MARCHF8: variants seen among roughly 807,000 people sequenced by gnomAD.
MARCHF8 encodes the protein membrane associated ring-CH-type finger 8.
A neutral mutation model predicts 51.6 loss-of-function variants in MARCHF8; 40 were observed. The observed-to-expected ratio is 0.77, with a 90% confidence interval of 0.60 to 1.01. The LOEUF is 1.01. MARCHF8 is among the 50% of genes least tolerant of loss of function. MARCHF8 has a pLI of 0.00. For missense variants in MARCHF8, 685 were observed against 708.6 expected (o/e 0.97, Z 0.38); for synonymous variants, 263 against 280.3 (o/e 0.94, Z 0.62).
chr10:45,526,409 T>C (rs555037214), intron 2 of MARCHF8, among the ~76,000 whole-genome samples: 1 of 152,302 alleles, frequency 6.6e-6, no homozygotes, highest in South Asian at 2.1e-4. Flanking sequence ...GGAGACCCCC[T>C]TGACCCTCGC....
At chr10:45,504,911 GATC>G (rs2043352469) in intron 2 of MARCHF8, among the ~76,000 whole-genome samples, 1 of 152,138 alleles carries the variant, frequency 6.6e-6, no homozygotes, top group Non-Finnish European at 1.5e-5. Context: ...AGTGGCCAGA[GATC>G]ATTAACAATT....
intron 1 of MARCHF8, among the ~76,000 whole-genome samples, chr10:45,584,408 A>C (rs2044594865): frequency 6.6e-6 from 1 of 152,064 alleles, no homozygotes; most frequent in Admixed American, 6.6e-5. Context: ...TTACTTATGG[A>C]TAAATATGGA....
intron 1 of MARCHF8, among the ~76,000 whole-genome samples, chr10:45,581,491 G>A (rs1274098909): frequency 6.6e-6 from 1 of 152,174 alleles, no homozygotes; most frequent in East Asian, 1.9e-4. Flanking sequence ...CTCAAGAATT[G>A]GGAATGAGGG....
chr10:45,470,510 C>T (rs1451400354), intron 3 of MARCHF8, among the ~76,000 whole-genome samples: 1 of 152,158 alleles, frequency 6.6e-6, no homozygotes, highest in African/African-American at 2.4e-5. Context: ...GTATTTATAA[C>T]CCCAAATAAT....
chr10:45,561,959 C>T (rs2044316552), intron 1 of MARCHF8, among the ~76,000 whole-genome samples: 1 of 125,204 alleles, frequency 8.0e-6, no homozygotes, highest in African/African-American at 2.9e-5. Flanking sequence ...GTACTAAAAA[C>T]AGCCAGTTTC....
intron 1 of MARCHF8, among the ~76,000 whole-genome samples, chr10:45,567,841 G>A (rs2044382242): frequency 6.6e-6 from 1 of 152,154 alleles, no homozygotes; most frequent in South Asian, 2.1e-4. Flanking sequence ...TATTTTGGTA[G>A]GGTTTGCATT....
At chr10:45,497,596 T>C (rs2043196521) in intron 2 of MARCHF8, among the ~76,000 whole-genome samples, 2 of 152,298 alleles carry the variant, frequency 1.3e-5, no homozygotes, top group South Asian at 4.1e-4. Flanking sequence ...AGTTAAACTT[T>C]AGAGTTAAAT....
At chr10:45,530,944 T>C (rs2043871685) in intron 2 of MARCHF8, among the ~76,000 whole-genome samples, 1 of 151,818 alleles carries the variant, frequency 6.6e-6, no homozygotes, top group Admixed American at 6.6e-5. Flanking sequence ...ATGGAAGATA[T>C]AAAAAAGATC....
In MARCHF8 at chr10:45,464,259, T is replaced by C. The variant is rs769832451; in HGVS notation, c.222A>G (p.Pro74=). 1 of 1,614,196 alleles carries C rather than the reference T, an allele frequency of 6.2e-7. No individual in the cohort carries two copies. Among genetic ancestry groups the C allele is most frequent in the Non-Finnish European group, 8.5e-7 (1 of 1,180,034 alleles). The part of the protein sequence containing the change: ...VSSFSRTSIT[P]SSQDICSSSA... ...GTTACCTGCAGATGTCCTGGCTGGA[T>C]GGCGTGATAGAAGTGCGAGAGAAGG... Residue 74 remains proline (P), a synonymous_variant, in exon 4 of 8, where the codon CCA becomes CCG. Coordinates refer to ENST00000453424, the MANE Select transcript of MARCHF8 (RefSeq NM_001282866.2).
intron 2 of MARCHF8, among the ~76,000 whole-genome samples, chr10:45,520,894 T>C (rs2043694966): frequency 6.6e-6 from 1 of 152,242 alleles, no homozygotes; most frequent in Non-Finnish European, 1.5e-5. Flanking sequence ...ATGATACACA[T>C]TTCAACTGAA....
chr10:45,466,769 A>C (rs1257101775), intron 3 of MARCHF8, among the ~76,000 whole-genome samples: 1 of 152,104 alleles, frequency 6.6e-6, no homozygotes, highest in Non-Finnish European at 1.5e-5. Flanking sequence ...CAGGTTTCTG[A>C]TGGGAAATTA....
In MARCHF8 at chr10:45,463,635, T is replaced by C; in HGVS notation, c.604A>G (p.Lys202Glu). Residue 202 changes from lysine (K) to glutamate (E), a missense_variant, in exon 5 of 8, where the codon AAA (lysine) becomes GAA (glutamate). Physicochemically the swap from Lys to Glu is moderately conservative, Grantham distance 56. Coordinates refer to ENST00000453424, the MANE Select transcript of MARCHF8 (RefSeq NM_001282866.2). The stretch of plus-strand genomic sequence containing the variant: ...AGAGGTTTGTGGTTCAGGGTTCTTT[T>C]TTCTTTATGATGAAACCTGTTAGTT... ...LRTNRFHHKE[K>E]RTLNHKPLGN... 4.5e-6 allele frequency: 7 copies of C among 1,550,706 alleles called. No individual in the cohort carries two copies. Among genetic ancestry groups the C allele is most frequent in the South Asian group, 1.2e-5 (1 of 84,070 alleles).
chr10:45,581,478 T>C (rs1046339434), intron 1 of MARCHF8, among the ~76,000 whole-genome samples: 1 of 152,196 alleles, frequency 6.6e-6, no homozygotes, highest in Admixed American at 6.5e-5. Context: ...ATCAAAATTC[T>C]ACCTCAAGAA....
intron 1 of MARCHF8, among the ~76,000 whole-genome samples, chr10:45,567,533 T>C (rs1034665968): frequency 1.6e-4 from 24 of 152,176 alleles, no homozygotes; most frequent in Non-Finnish European, 2.8e-4. Context: ...TTGAAGAGAC[T>C]GTCTTTTCCC....
intron 2 of MARCHF8, among the ~76,000 whole-genome samples, chr10:45,509,245 T>C (rs1474926332): frequency 1.3e-5 from 2 of 152,242 alleles, no homozygotes; most frequent in Non-Finnish European, 2.9e-5. Context: ...TAACTAGATA[T>C]GGCTGAATGA....
chr10:45,527,067 A>G (rs1408540495), intron 2 of MARCHF8, among the ~76,000 whole-genome samples: 2 of 152,210 alleles, frequency 1.3e-5, no homozygotes, highest in East Asian at 3.8e-4. Flanking sequence ...AATTTTTTAA[A>G]CAAAAGTAGA....
chr10:45,576,432 CAG>C (rs2133407193), intron 1 of MARCHF8, among the ~76,000 whole-genome samples: 1 of 152,234 alleles, frequency 6.6e-6, no homozygotes, highest in East Asian at 1.9e-4. Flanking sequence ...TATCTTTGCA[CAG>C]AGTGTAGGCA....
At chr10:45,557,059 A>AT (rs2044258978) in intron 1 of MARCHF8, among the ~76,000 whole-genome samples, 1 of 149,040 alleles carries the variant, frequency 6.7e-6, no homozygotes, top group South Asian at 2.1e-4. Context: ...GATATCCAGA[A>AT]TTTTTTCATC....
At chr10:45,462,424 C>A (rs945123406) in intron 5 of MARCHF8, among the ~76,000 whole-genome samples, 1 of 152,132 alleles carries the variant, frequency 6.6e-6, no homozygotes, top group Non-Finnish European at 1.5e-5. Context: ...TCCCCACACA[C>A]CTTTTGGGGG....
Sources: allele counts gnomAD v4.1 joint callset (sites outside exome capture counted in the v4.1 genomes callset), GRCh38; gene constraint gnomAD v4.1.1; transcripts MANE v1.5; gene names NCBI Gene and HGNC (gene_info 2026-07-23, HGNC 2026-07-21).